The following CUX2 variants were observed in gnomAD, a reference collection of about 807,000 sequenced individuals.
CUX2 encodes the protein homeobox protein cut-like 2.
Under a neutral mutation model 144.8 loss-of-function variants are expected in CUX2, and 40 were observed. The ratio of observed to expected loss-of-function variants is 0.28; its 90% CI spans 0.21 to 0.36. The LOEUF (loss-of-function observed/expected upper bound fraction) is 0.36. Ranked by LOEUF, CUX2 falls within the 10% of genes least tolerant of loss-of-function variation. The probability of loss-of-function intolerance (pLI) is 1.00; values close to 1 mark genes in which losing one functional copy is unlikely to be tolerated. For synonymous variants in CUX2, 827 were observed against 875.6 expected, an observed-to-expected ratio of 0.94 and a Z score of 0.98; for missense variants, 1,615 against 1,994.0, an observed-to-expected ratio of 0.81 and a Z score of 3.62.
At chr12:111,226,765 C>G (rs59903340) in intron 3 of CUX2, among the ~76,000 whole-genome samples, 1 of 152,238 alleles carries the variant, frequency 6.6e-6, no homozygotes, top group African/African-American at 2.4e-5. Flanking sequence ...GAGGAATGGG[C>G]TGGCGTCTGG....
chr12:111,077,132 CTATT>C lies in CUX2; in HGVS notation c.63+42898_63+42901del, dbSNP rs1231680278. 2.0e-5 allele frequency among the ~76,000 whole-genome samples: 3 copies of C among 152,166 alleles called. No individual in the cohort carries two copies. The highest frequency in any genetic ancestry group is 3.9e-4 in the East Asian group (2 of 5,192). On this transcript the variant is annotated intron_variant, in intron 1 of 21. Transcript: ENST00000261726. The surrounding 1 kb of genome is among the most constrained non-coding windows in gnomAD (Gnocchi z 4.1). The stretch of plus-strand genomic sequence containing the variant: ...CAGAATACATCTCTGCCCCCCTTGA[CTATT>C]TATTTTTTCCTTTGCTGTAGTTCAA...
chr12:111,275,900 C>A (rs760256316), intron 4 of CUX2, among the ~76,000 whole-genome samples: 2 of 152,110 alleles, frequency 1.3e-5, no homozygotes, highest in East Asian at 3.8e-4. Context: ...CAGGGTCTAA[C>A]GAAAATTCAG....
At chr12:111,330,176 G>C (rs747574433) in intron 18 of CUX2, among the ~76,000 whole-genome samples, 1 of 152,126 alleles carries the variant, frequency 6.6e-6, no homozygotes, top group Non-Finnish European at 1.5e-5. Context: ...GAGACCTCAC[G>C]GTCACAAAGG....
Position 111,307,011 on chromosome 12 carries a change from G to A in CUX2, c.949G>A (p.Val317Met), listed in dbSNP as rs369796774. The change falls in exon 11 of 22, where the codon GTG (valine) becomes ATG (methionine). Residue 317 changes from valine to methionine, a missense_variant. Transcript: ENST00000261726. The surrounding 1 kb of genome is among the most constrained non-coding windows in gnomAD (Gnocchi z 4.1). Reference sequence around the variant, plus strand: ...GGAGATCCTGCGGCTGCTGAAGGACGTGCAGCACCTCCAGAGCTCACTGCA... The same window carrying A: ...GGAGATCCTGCGGCTGCTGAAGGACATGCAGCACCTCCAGAGCTCACTGCA... Reference protein sequence around the residue: ...DREILRLLKDVQHLQSSLQEL... With the variant: ...DREILRLLKDMQHLQSSLQEL... 1.7e-5 allele frequency: 27 copies of A among 1,613,688 alleles called. No individual in the cohort carries two copies. Among genetic ancestry groups the A allele is most frequent in the African/African-American group, 6.7e-5 (5 of 74,926 alleles).
chr12:111,215,201 C>A (rs1881464562), intron 2 of CUX2, among the ~76,000 whole-genome samples: 1 of 152,094 alleles, frequency 6.6e-6, no homozygotes, highest in African/African-American at 2.4e-5. Flanking sequence ...CAGAGTTTAG[C>A]ATTCAGATGG....
intron 1 of CUX2, among the ~76,000 whole-genome samples, chr12:111,151,254 A>T (rs557063191): frequency 5.0e-4 from 76 of 152,312 alleles, no homozygotes; most frequent in East Asian, 7.7e-4. Flanking sequence ...ATAAATTTTT[A>T]AAAAAATTCA....
At chr12:111,336,842 C>T (rs773584262) in intron 19 of CUX2, among the ~76,000 whole-genome samples, 2 of 151,630 alleles carry the variant, frequency 1.3e-5, no homozygotes, top group Non-Finnish European at 2.9e-5. Context: ...TCTGTGTAGA[C>T]GAAATGATAC....
chr12:111,045,901 G>A (rs574050903), intron 1 of CUX2, among the ~76,000 whole-genome samples: 5 of 152,338 alleles, frequency 3.3e-5, no homozygotes, highest in Admixed American at 2.0e-4. Context: ...CCAGTAAACA[G>A]GAGTGACTAG....
chr12:111,203,334 C>A (rs1324086029), intron 1 of CUX2, among the ~76,000 whole-genome samples: 2 of 151,464 alleles, frequency 1.3e-5, no homozygotes, highest in Non-Finnish European at 2.9e-5. Flanking sequence ...CACTTGAGCC[C>A]AGGAGTTCAA....
At chr12:111,119,685 C>T (rs982324256) in intron 1 of CUX2, among the ~76,000 whole-genome samples, 4 of 152,152 alleles carry the variant, frequency 2.6e-5, no homozygotes, top group South Asian at 2.1e-4. Context: ...GTCTAGTGCC[C>T]GACCTTTGGG....
Position 111,293,385 on chromosome 12 carries a change from G to A in CUX2, c.437-61G>A, listed in dbSNP as rs187391945. ...ATGATCGATCCGGTTTACAGAAAGC[G>A]GCTCTGGCTGCCACGTTGCTCTCTT... On this transcript the variant is annotated intron_variant, in intron 5 of 21. Coordinates refer to ENST00000261726, the MANE Select transcript of CUX2 (RefSeq NM_015267.4). The surrounding 1 kb of genome is among the most constrained non-coding windows in gnomAD (Gnocchi z 4.5). 41 of 1,548,794 alleles carry A rather than the reference G, an allele frequency of 2.6e-5. No homozygotes were observed. Among genetic ancestry groups the A allele is most frequent in the Admixed American group, 1.5e-4 (7 of 47,650 alleles).
intron 1 of CUX2, among the ~76,000 whole-genome samples, chr12:111,209,049 C>G (rs16941319): frequency 0.083 from 12,630 of 152,140 alleles, 618 homozygotes; most frequent in African/African-American, 0.13. Context: ...TCCAAATCAT[C>G]GTTACTTTTA....
intron 1 of CUX2, among the ~76,000 whole-genome samples, chr12:111,047,170 G>A (rs971183026): frequency 5.3e-5 from 8 of 152,176 alleles, no homozygotes; most frequent in African/African-American, 1.4e-4. Flanking sequence ...GCGCCCTGTC[G>A]TCCGGCCTGC....
intron 1 of CUX2, among the ~76,000 whole-genome samples, chr12:111,166,845 G>A (rs958633556): frequency 4.6e-5 from 7 of 152,150 alleles, no homozygotes; most frequent in African/African-American, 1.7e-4. Flanking sequence ...TTTCTGGGAC[G>A]CGTGCCGGCC....
intron 3 of CUX2, among the ~76,000 whole-genome samples, chr12:111,233,931 G>C (rs1319841475): frequency 6.6e-6 from 1 of 152,128 alleles, no homozygotes; most frequent in Non-Finnish European, 1.5e-5. Flanking sequence ...AGTCATTCAG[G>C]GATCCAGGCG....
Position 111,320,600 on chromosome 12 carries a change from G to T in CUX2, c.2591G>T (p.Arg864Leu), listed in dbSNP as rs752391047. Residue 864 changes from arginine to leucine, a missense_variant, in exon 17 of 22, where the codon CGG becomes CTG. Physicochemically the swap from Arg to Leu is moderately radical, Grantham distance 102. Coordinates refer to ENST00000261726, the MANE Select transcript of CUX2 (RefSeq NM_015267.4). The surrounding 1 kb of genome is among the most constrained non-coding windows in gnomAD (Gnocchi z 8.1). ...AEGATAEAGARLPYYPAYVPR... is the reference protein window; with the variant it reads ...AEGATAEAGALLPYYPAYVPR... ...GGCGCGACGGCCGAGGCGGGCGCGC[G>T]GCTGCCCTACTACCCGGCCTACGTG... 5.4e-5 allele frequency: 84 copies of T among 1,544,530 alleles called. No individual in the cohort carries two copies. Among genetic ancestry groups the T allele is most frequent in the Non-Finnish European group, 6.9e-5 (80 of 1,154,342 alleles).
At chr12:111,044,449 A>G (rs1309402194) in intron 1 of CUX2, among the ~76,000 whole-genome samples, 3 of 151,778 alleles carry the variant, frequency 2.0e-5, no homozygotes, top group Admixed American at 2.0e-4. Flanking sequence ...CAAGCCAAGC[A>G]GGTCCCAGCT....
chr12:111,297,420 C>T (rs1886067125), intron 8 of CUX2, among the ~76,000 whole-genome samples: 1 of 152,336 alleles, frequency 6.6e-6, no homozygotes, highest in East Asian at 1.9e-4. Flanking sequence ...CTGCTCCTCA[C>T]CCCCAAAGGC....
intron 1 of CUX2, among the ~76,000 whole-genome samples, chr12:111,174,383 C>T (rs544023261): frequency 6.6e-6 from 1 of 152,212 alleles, no homozygotes; most frequent in Non-Finnish European, 1.5e-5. Flanking sequence ...TTTGGTTCCA[C>T]CCTTCAATCT....
Sources: allele counts gnomAD v4.1 joint callset (sites outside exome capture counted in the v4.1 genomes callset), GRCh38; gene constraint gnomAD v4.1.1; non-coding constraint Gnocchi (gnomAD v3.1); transcripts MANE v1.5; gene names NCBI Gene and HGNC (gene_info 2026-07-23, HGNC 2026-07-21).